The following FBXO42 variants were observed in gnomAD, a reference collection of about 807,000 sequenced individuals.
FBXO42 encodes F-box protein 42.
A neutral mutation model predicts 71.7 loss-of-function variants in FBXO42; 12 were observed. The observed-to-expected ratio is 0.17, with a 90% confidence interval of 0.11 to 0.27. FBXO42 has a LOEUF of 0.27. Among genes scored for constraint, FBXO42 ranks in the 10% least tolerant of loss-of-function variants. The pLI is 1.00. For synonymous variants in FBXO42, 325 were observed against 327.5 expected, an observed-to-expected ratio of 0.99 and a Z score of 0.08; for missense variants, 707 against 911.9, an observed-to-expected ratio of 0.78 and a Z score of 2.89.
At chr1:16,290,346 G>C (rs1299864928) in intron 4 of FBXO42, among the ~76,000 whole-genome samples, 1 of 152,202 alleles carries the variant, frequency 6.6e-6, no homozygotes, top group East Asian at 1.9e-4. Context: ...GGAAGACAAT[G>C]AGGTTTAGAT....
Position 16,248,872 on chromosome 1 carries a change from T to C in FBXO42, c.*1798A>G, listed in dbSNP as rs2081561745. On this transcript the variant is annotated 3_prime_UTR_variant, in exon 10 of 10. Coordinates refer to ENST00000375592, the MANE Select transcript of FBXO42 (RefSeq NM_018994.3). ...ACATACCCCTCCCCACAAGCTAGGC[T>C]TGGCACCAGGGTGGCTTTCCTACGA... 1 of 152,258 alleles carries C rather than the reference T, an allele frequency of 6.6e-6. No individual in the cohort carries two copies. Among genetic ancestry groups the C allele is most frequent in the Non-Finnish European group, 1.5e-5 (1 of 68,050 alleles). 9.4% of individuals were successfully genotyped at this position (152,258 alleles called of 1,614,324 possible).
Position 16,266,189 on chromosome 1 carries a change from A to T in FBXO42, c.503-9430T>A, listed in dbSNP as rs113623099. On this transcript the variant is annotated intron_variant, in intron 4 of 9. Coordinates refer to ENST00000375592, the MANE Select transcript of FBXO42 (RefSeq NM_018994.3). ...CTGTTTTCAAAGTATAGTTTTTTTT[A>T]AAAAAAATAGAAACATCTCTTTCAT... 6.3e-3 allele frequency among the ~76,000 whole-genome samples: 941 copies of T among 150,510 alleles called. 8 individuals carry two copies. The highest frequency in any genetic ancestry group is 0.017 in the African/African-American group (669 of 40,048).
intron 1 of FBXO42, among the ~76,000 whole-genome samples, chr1:16,336,609 G>A (rs565395842): frequency 6.1e-5 from 9 of 148,586 alleles, no homozygotes; most frequent in African/African-American, 1.2e-4. Flanking sequence ...CACCTGCCTC[G>A]GCCTCCCAAA....
At chr1:16,350,615 C>T (rs945014642) in intron 1 of FBXO42, among the ~76,000 whole-genome samples, 65 of 145,346 alleles carry the variant, frequency 4.5e-4, no homozygotes, top group African/African-American at 1.6e-3. Context: ...GGCGTGGTGG[C>T]GCACACCTGT....
At chr1:16,335,063 C>CAAAAAAAAAAAAAAAAA (rs55983316) in intron 1 of FBXO42, among the ~76,000 whole-genome samples, 1 of 68,990 alleles carries the variant, frequency 1.4e-5, no homozygotes, top group Non-Finnish European at 2.5e-5. Context: ...CTCGTCTGTA[C>CAAAAAAAAAAAAAAAAA]AAAAAAAAAA....
intron 3 of FBXO42, 96 bp from the exon 4 acceptor site, chr1:16,295,013 T>G (rs2082114229): frequency 1.4e-6 from 2 of 1,394,682 alleles, no homozygotes; most frequent in Admixed American, 5.5e-5. Flanking sequence ...ATTTCACACA[T>G]TCAGCAATTT....
chr1:16,284,575 T>C (rs1380532660), intron 4 of FBXO42, among the ~76,000 whole-genome samples: 1 of 152,142 alleles, frequency 6.6e-6, no homozygotes, highest in Non-Finnish European at 1.5e-5. Context: ...CTCATGCCCA[T>C]AATCCCAGCA....
At chr1:16,331,804 A>G (rs1364073777) in intron 1 of FBXO42, among the ~76,000 whole-genome samples, 1 of 152,016 alleles carries the variant, frequency 6.6e-6, no homozygotes, top group Non-Finnish European at 1.5e-5. Context: ...TAATCCCAGC[A>G]CTTTGGGAGG....
intron 1 of FBXO42, among the ~76,000 whole-genome samples, chr1:16,340,475 G>A (rs921560388): frequency 2.6e-5 from 4 of 151,658 alleles, no homozygotes; most frequent in Non-Finnish European, 4.4e-5. Flanking sequence ...CGCCCACCCC[G>A]CCCAGCTAAT....
chr1:16,335,063 C>CAAAAAAAAAAAAAAAAAAAAAAAAAAA, intron 1 of FBXO42, among the ~76,000 whole-genome samples: 1 of 68,990 alleles, frequency 1.4e-5, no homozygotes, highest in Non-Finnish European at 2.5e-5. Context: ...CTCGTCTGTA[C>CAAAAAAAAAAAAAAAAAAAAAAAAAAA]AAAAAAAAAA....
chr1:16,255,878 A>C, intron 5 of FBXO42, 57 bp from the exon 6 acceptor site: 1 of 1,216,496 alleles, frequency 8.2e-7, no homozygotes, highest in Non-Finnish European at 1.2e-6. Context: ...TTTATGTAAA[A>C]ATAGTAAGTA....
chr1:16,309,917 C>T (rs951290845), intron 2 of FBXO42, among the ~76,000 whole-genome samples: 7 of 152,062 alleles, frequency 4.6e-5, no homozygotes, highest in South Asian at 2.1e-4. Flanking sequence ...AAAAATTGGC[C>T]GAGCGCAGTG....
chr1:16,324,830 C>A lies in FBXO42; in HGVS notation c.-17-9395G>T, dbSNP rs111961459. 4.5e-3 allele frequency among the ~76,000 whole-genome samples: 680 copies of A among 151,984 alleles called. 7 individuals are homozygous for A. The highest frequency in any genetic ancestry group is 0.016 in the African/African-American group (648 of 41,446). On this transcript the variant is annotated intron_variant, in intron 1 of 9. Transcript: ENST00000375592. ...GACTCCGTTTCAAAAAATCAAAAAA[C>A]AACAACAAAAATAAAGAAGAGGTAG...
chr1:16,339,917 C>T (rs977689148), intron 1 of FBXO42, among the ~76,000 whole-genome samples: 6 of 152,114 alleles, frequency 3.9e-5, no homozygotes, highest in South Asian at 4.1e-4. Context: ...TGTACCACTG[C>T]GCTCCAGCCT....
chr1:16,343,806 G>A (rs1023613054), intron 1 of FBXO42, among the ~76,000 whole-genome samples: 1 of 149,744 alleles, frequency 6.7e-6, no homozygotes. Flanking sequence ...CTGGGTGACA[G>A]AGACTACGTC....
intron 4 of FBXO42, among the ~76,000 whole-genome samples, chr1:16,290,619 G>A (rs1415954431): frequency 2.0e-5 from 3 of 152,122 alleles, no homozygotes; most frequent in Middle Eastern, 3.4e-3. Flanking sequence ...TCCAACCCAG[G>A]AGGCAGAGGT....
chr1:16,295,795 T>G (rs896836308), intron 3 of FBXO42, among the ~76,000 whole-genome samples: 1 of 152,170 alleles, frequency 6.6e-6, no homozygotes, highest in African/African-American at 2.4e-5. Flanking sequence ...CAGTTTTTAT[T>G]AATTCCAAAG....
At chr1:16,329,867 T>G (rs2082482369) in intron 1 of FBXO42, among the ~76,000 whole-genome samples, 1 of 145,420 alleles carries the variant, frequency 6.9e-6, no homozygotes, top group Non-Finnish European at 1.5e-5. Flanking sequence ...GAGAATTACT[T>G]GAACCAAGGA....
intron 4 of FBXO42, among the ~76,000 whole-genome samples, chr1:16,266,019 G>A (rs1245429593): frequency 6.6e-6 from 1 of 152,098 alleles, no homozygotes; most frequent in Non-Finnish European, 1.5e-5. Context: ...GACTTTTGGG[G>A]AGAAACTGAC....
Sources: allele counts gnomAD v4.1 joint callset (sites outside exome capture counted in the v4.1 genomes callset), GRCh38; gene constraint gnomAD v4.1.1; transcripts MANE v1.5; gene names NCBI Gene and HGNC (gene_info 2026-07-23, HGNC 2026-07-21).